The following RNF216 variants were observed in gnomAD, a reference collection of about 807,000 sequenced individuals.
RNF216 encodes the protein E3 ubiquitin-protein ligase RNF216.
Under a neutral mutation model 110.8 loss-of-function variants are expected in RNF216, and 72 were observed. The observed-to-expected ratio is 0.65, with a 90% CI of 0.54 to 0.79. RNF216 has a LOEUF of 0.79. RNF216 is among the 30% of genes least tolerant of loss of function. RNF216 has a pLI of 0.00. For synonymous variants in RNF216, 495 were observed against 407.5 expected (o/e 1.21, Z -2.59); for missense variants, 1,342 against 1,141.2 (o/e 1.18, Z -2.54).
At position 5,622,238 on chromosome 7, in the gene RNF216, C is replaced by T. The variant is rs1321362043; in HGVS notation, c.*622G>A. The stretch of plus-strand genomic sequence containing the variant: ...ATGAGAAAGTTAGGCGGCAACAGAA[C>T]AAAACCCCCGCCGCGAGATGGGTCT... On this transcript the variant is annotated 3_prime_UTR_variant, in exon 17 of 17. Transcript: ENST00000389902. The T allele has an allele frequency of 6.6e-6, 1 of 152,494 alleles. No individual in the cohort carries two copies. Among genetic ancestry groups the T allele is most frequent in the Non-Finnish European group, 1.5e-5 (1 of 68,250 alleles). 9.4% of individuals were successfully genotyped at this position (152,494 alleles called of 1,614,324 possible). A position where few individuals can be genotyped will look rare whatever the true frequency, so the allele number is the denominator to read the frequency against.
chr7:5,635,502 T>G (rs1787345786), intron 15 of RNF216, among the ~76,000 whole-genome samples: 1 of 152,224 alleles, frequency 6.6e-6, no homozygotes, highest in Non-Finnish European at 1.5e-5. Context: ...ACCAGGTTTC[T>G]GCGTTTCCTC....
rs1380015547 is a variant in RNF216 at position 5,622,567 on chromosome 7, C to G, written c.*293G>C. 1 of 405,076 alleles carries G rather than the reference C, an allele frequency of 2.5e-6. No individual in the cohort carries two copies. Among genetic ancestry groups the G allele is most frequent in the African/African-American group, 2.0e-5 (1 of 50,080 alleles). 25.1% of individuals were successfully genotyped at this position (405,076 alleles called of 1,614,324 possible). On this transcript the variant is annotated 3_prime_UTR_variant, in exon 17 of 17. Coordinates refer to ENST00000389902, the MANE Select transcript of RNF216 (RefSeq NM_207111.4). ...GAGCAGCAGGGACCTGGTCTATGGC[C>G]TATGCCATGGACAAGGCAGAAGGAC...
intron 13 of RNF216, among the ~76,000 whole-genome samples, chr7:5,698,386 C>T (rs925660074): frequency 2.0e-4 from 29 of 145,544 alleles, no homozygotes; most frequent in Non-Finnish European, 3.6e-4. Context: ...TTCTTTTATA[C>T]ACACACACAC....
intron 10 of RNF216, among the ~76,000 whole-genome samples, chr7:5,716,435 GA>G (rs1258933812): frequency 6.6e-6 from 1 of 152,120 alleles, no homozygotes; most frequent in Non-Finnish European, 1.5e-5. Context: ...ACTCTAAAGT[GA>G]TATCTAAGTT....
At chr7:5,639,454 C>T (rs1039721974) in intron 15 of RNF216, among the ~76,000 whole-genome samples, 1 of 152,094 alleles carries the variant, frequency 6.6e-6, no homozygotes, top group Non-Finnish European at 1.5e-5. Context: ...CCATGAGCCA[C>T]CACACATGGC....
chr7:5,760,864 G>A lies in RNF216; in HGVS notation c.67+139C>T, dbSNP rs1299767505. ...AATATCATTATCTGATATAATTCTA[G>A]TCTAACTAGTCTTTTTGTCAAAAAC... On this transcript the variant is annotated intron_variant, in intron 2 of 16. Transcript: ENST00000389902. 6 of 673,104 alleles carry A rather than the reference G, an allele frequency of 8.9e-6. No homozygotes were observed. The African/African-American group carries it at 1.1e-4, about 13-fold the overall frequency. 41.7% of individuals were successfully genotyped at this position (673,104 alleles called of 1,614,324 possible).
chr7:5,726,157 G>T (rs1793738969), intron 7 of RNF216, among the ~76,000 whole-genome samples: 1 of 151,892 alleles, frequency 6.6e-6, no homozygotes, highest in African/African-American at 2.4e-5. Flanking sequence ...CCACAGCTGT[G>T]GTCCCAGGTA....
rs572738966 is a variant in RNF216 at position 5,624,554 on chromosome 7, C to G, written c.2383-429G>C. The stretch of plus-strand genomic sequence containing the variant: ...GTCTGCAGAGCCTGGAAAAGTCTTG[C>G]AGATGTCCTCAACTGAGATGGACAA... On this transcript the variant is annotated intron_variant, in intron 15 of 16. Coordinates refer to ENST00000389902, the MANE Select transcript of RNF216 (RefSeq NM_207111.4). This position sits in a 1 kb window ranked among gnomAD's most constrained non-coding sequence, Gnocchi z 4.4. 3.3e-5 allele frequency among the ~76,000 whole-genome samples: 5 copies of G among 152,368 alleles called. No individual in the cohort carries two copies. Among genetic ancestry groups the G allele is most frequent in the Middle Eastern group, 6.8e-3 (2 of 294 alleles).
chr7:5,626,670 TA>T (rs71547783), intron 15 of RNF216, among the ~76,000 whole-genome samples: 674 of 140,698 alleles, frequency 4.8e-3, no homozygotes, highest in Non-Finnish European at 5.4e-3. Context: ...AAACTTGTGT[TA>T]AAAAAAAAAA....
At chr7:5,686,592 G>T (rs1233514603) in intron 13 of RNF216, among the ~76,000 whole-genome samples, 1 of 152,204 alleles carries the variant, frequency 6.6e-6, no homozygotes, top group Non-Finnish European at 1.5e-5. Context: ...GTTCTAAATT[G>T]TGAGGCTCAC....
chr7:5,775,822 A>T (rs1457901590), intron 1 of RNF216, among the ~76,000 whole-genome samples: 2 of 151,302 alleles, frequency 1.3e-5, no homozygotes, highest in Non-Finnish European at 2.9e-5. Flanking sequence ...TGAGCCTAGA[A>T]TGCGCCACTG....
In RNF216 at chr7:5,715,110, C is replaced by T. The variant is rs1461304846; in HGVS notation, c.1776G>A (p.Leu592=). ...EELTQCADAH[L]FCKECLIRYA... is the part of the protein sequence containing the mutation. ...ATCTGATGAGACACTCTTTGCAGAA[C>T]AAGTGAGCATCTGCGCACTGCGTCA... Residue 592 remains leucine, a synonymous_variant, in exon 11 of 17, where the codon TTG becomes TTA. Transcript: ENST00000389902. The T allele has an allele frequency of 1.1e-5, 18 of 1,613,828 alleles. No individual in the cohort carries two copies. Among genetic ancestry groups the T allele is most frequent in the Non-Finnish European group, 1.5e-5 (18 of 1,179,998 alleles).
chr7:5,698,410 C>CACACACACAT (rs1328559672), intron 13 of RNF216, among the ~76,000 whole-genome samples: 1 of 147,694 alleles, frequency 6.8e-6, no homozygotes, highest in South Asian at 2.1e-4. Flanking sequence ...CACACACACA[C>CACACACACAT]ACACATACAC....
intron 15 of RNF216, among the ~76,000 whole-genome samples, chr7:5,633,896 C>T (rs914984164): frequency 1.3e-5 from 2 of 152,210 alleles, no homozygotes; most frequent in South Asian, 2.1e-4. Context: ...CAAACATCCT[C>T]CCTTAGCTTG....
At chr7:5,725,192 T>A (rs1176129474) in intron 8 of RNF216, 132 bp downstream of exon 8, 1 of 539,828 alleles carries the variant, frequency 1.9e-6, no homozygotes, top group African/African-American at 1.9e-5. Flanking sequence ...AAATAGTTCC[T>A]GTCAGTCACT....
intron 15 of RNF216, among the ~76,000 whole-genome samples, chr7:5,628,884 T>C (rs545056380): frequency 5.3e-5 from 8 of 152,194 alleles, no homozygotes; most frequent in East Asian, 3.9e-4. Flanking sequence ...TCTGAAGCAT[T>C]TGAAATTCCT....
rs752481703 is a variant in RNF216, at chr7:5,741,743, C to T, written c.274G>A (p.Gly92Arg). ...AAQWQDLKRL[G>R]EERPKKSRAA... ...CTAGACTTTTTAGGCCTTTCTTCTC[C>T]CAACCTTTTCAGATCTTGCCACTGG... The change falls in exon 4 of 17, where the codon GGA (glycine) becomes AGA (arginine). Residue 92 changes from glycine to arginine, a missense_variant. Physicochemically the swap from Gly to Arg is moderately radical, Grantham distance 125. Coordinates refer to ENST00000389902, the MANE Select transcript of RNF216 (RefSeq NM_207111.4). The T allele has an allele frequency of 1.9e-6, 3 of 1,614,128 alleles. No homozygotes were observed. The South Asian group carries it at 3.3e-5, about 18-fold the overall frequency.
At chr7:5,758,679 T>C (rs963634540) in intron 2 of RNF216, among the ~76,000 whole-genome samples, 2 of 152,166 alleles carry the variant, frequency 1.3e-5, no homozygotes, top group South Asian at 4.1e-4. Flanking sequence ...GCGTCTTTCT[T>C]TTGGCCAATT....
At chr7:5,674,602 T>C (rs1199159381) in intron 13 of RNF216, among the ~76,000 whole-genome samples, 1 of 152,018 alleles carries the variant, frequency 6.6e-6, no homozygotes, top group Non-Finnish European at 1.5e-5. Flanking sequence ...CACTCCAGCC[T>C]GGGCAACAGA....
Sources: allele counts gnomAD v4.1 joint callset (sites outside exome capture counted in the v4.1 genomes callset), GRCh38; gene constraint gnomAD v4.1.1; non-coding constraint Gnocchi (gnomAD v3.1); transcripts MANE v1.5; gene names NCBI Gene and HGNC (gene_info 2026-07-23, HGNC 2026-07-21).